The following SLC28A2 variants were observed in gnomAD, a reference collection of about 807,000 sequenced individuals.
The protein encoded by SLC28A2 is sodium/nucleoside cotransporter 2.
SLC28A2 carries 69 observed loss-of-function variants against 72.9 expected under a neutral mutation model. The ratio of observed to expected loss-of-function variants is 0.95; its 90% CI spans 0.78 to 1.16. The LOEUF is 1.16. Ranked by LOEUF, SLC28A2 falls within the 50% of genes most tolerant of loss-of-function variation. SLC28A2 has a pLI of 0.00. For synonymous variants in SLC28A2, 296 were observed against 294.1 expected, an observed-to-expected ratio of 1.01 and a Z score of -0.07; for missense variants, 745 against 791.1, an observed-to-expected ratio of 0.94 and a Z score of 0.70.
chr15:45,253,827 G>T, intron 3 of SLC28A2: 1 of 189,816 alleles, frequency 5.3e-6, no homozygotes, highest in Non-Finnish European at 1.1e-5. Flanking sequence ...CATTACAACA[G>T]GTAGGTATTC....
intron 10 of SLC28A2, 30 bp from the exon 11 acceptor site, chr15:45,267,425 G>A: frequency 6.2e-7 from 1 of 1,613,556 alleles, no homozygotes; most frequent in Non-Finnish European, 8.5e-7. Flanking sequence ...ACACCTTCTT[G>A]GAATCTGACT....
intron 15 of SLC28A2, among the ~76,000 whole-genome samples, chr15:45,271,354 G>T (rs984424825): frequency 6.6e-6 from 1 of 152,154 alleles, no homozygotes; most frequent in Non-Finnish European, 1.5e-5. Context: ...CTTGCTATAG[G>T]AGTTTGAGAG....
intron 3 of SLC28A2, among the ~76,000 whole-genome samples, chr15:45,257,613 T>G (rs1261940989): frequency 6.6e-6 from 1 of 152,218 alleles, no homozygotes; most frequent in Non-Finnish European, 1.5e-5. Flanking sequence ...TTTTAAGTAT[T>G]TATTTCTTTT....
chr15:45,272,333 G>T lies in SLC28A2; in HGVS notation c.1687G>T (p.Val563Phe). Residue 563 changes from valine (V) to phenylalanine (F), a missense_variant, in exon 16 of 18, where the codon GTT becomes TTT. By Grantham distance (50) the Val-to-Phe change is conservative. Coordinates refer to ENST00000347644, the MANE Select transcript of SLC28A2 (RefSeq NM_004212.4). ...TCACCGGAAGAGTGACTTGTCCAAGGTTGTGGTCAGGGCCCTCTTCACAGG... is the reference window on the plus strand; with the variant it reads ...TCACCGGAAGAGTGACTTGTCCAAGTTTGTGGTCAGGGCCCTCTTCACAGG... ...VPHRKSDLSKVVVRALFTGAC... is the reference protein window; with the variant it reads ...VPHRKSDLSKFVVRALFTGAC... 1.2e-6 allele frequency: 2 copies of T among 1,613,982 alleles called. No individual in the cohort carries two copies. The highest frequency in any genetic ancestry group is 1.7e-6 in the Non-Finnish European group (2 of 1,180,020).
intron 6 of SLC28A2, 33 bp from the exon 7 acceptor site, chr15:45,264,622 C>T: frequency 7.1e-7 from 1 of 1,406,432 alleles, no homozygotes; most frequent in Non-Finnish European, 1.0e-6. Context: ...ACTAGCAGAA[C>T]TCACATTGAA....
At chr15:45,271,574 A>AAAG (rs1900570035) in intron 15 of SLC28A2, among the ~76,000 whole-genome samples, 2 of 139,060 alleles carry the variant, frequency 1.4e-5, no homozygotes, top group African/African-American at 2.6e-5. Flanking sequence ...GAAAAAAAGA[A>AAAG]GAAAAGGAAG....
intron 7 of SLC28A2, 55 bp from the exon 8 acceptor site, chr15:45,265,034 T>C: frequency 8.1e-6 from 11 of 1,364,834 alleles, no homozygotes; most frequent in South Asian, 5.8e-5. Context: ...CGTCTTCCTG[T>C]GTGTCCTTTT....
intron 8 of SLC28A2, 101 bp from the exon 9 acceptor site, chr15:45,265,482 C>T (rs901110724): frequency 3.6e-6 from 3 of 836,022 alleles, no homozygotes; most frequent in East Asian, 2.4e-5. Context: ...AATACCTACA[C>T]TGTATGAGAT....
Position 45,269,537 on chromosome 15 carries a change from T to C in SLC28A2, c.1566+2T>C. The C allele has an allele frequency of 1.2e-6, 2 of 1,611,834 alleles. No individual in the cohort carries two copies. The highest frequency in any genetic ancestry group is 1.7e-6 in the Non-Finnish European group (2 of 1,177,906). On this transcript the variant is annotated splice_donor_variant, in intron 14 of 17. Coordinates refer to ENST00000347644, the MANE Select transcript of SLC28A2 (RefSeq NM_004212.4). LOFTEE classifies it high-confidence loss of function. ...GAGGGAGAGAAACAGTGGATTTCTG[T>C]AAGTGACAATCCAAAAAGCATAAAC... is the stretch of plus-strand genomic sequence containing the variant.
chr15:45,269,435 T>G lies in SLC28A2; in HGVS notation c.1466T>G (p.Phe489Cys), dbSNP rs753462120. The change falls in exon 14 of 18, where the codon TTC (phenylalanine) becomes TGC (cysteine). Residue 489 changes from phenylalanine to cysteine, a missense_variant. By Grantham distance (205) the Phe-to-Cys change is radical. Transcript: ENST00000347644. ...GCTGAGATGGTGGGAATCAAGTTCT[T>G]CATAAATGAGTTTGTGGCTTATCAG... Reference protein sequence around the residue: ...MVAEMVGIKFFINEFVAYQQL... With the variant: ...MVAEMVGIKFCINEFVAYQQL... 23 of 1,614,114 alleles carry G rather than the reference T, an allele frequency of 1.4e-5. No individual in the cohort carries two copies. Among genetic ancestry groups the G allele is most frequent in the Non-Finnish European group, 1.9e-5 (22 of 1,179,954 alleles).
rs1024789913 is a variant in SLC28A2, at chr15:45,256,705, G to A, written c.170+3185G>A. 2.6e-5 allele frequency among the ~76,000 whole-genome samples: 4 copies of A among 151,982 alleles called. No individual in the cohort carries two copies. In the East Asian group the frequency reaches 5.8e-4, roughly 22 times the overall value. ...ATTATAGGCGTGAACCACTGTGGCC[G>A]GCCTACTTTTCTTTATCAACTAAAG... is the stretch of plus-strand genomic sequence containing the variant. On this transcript the variant is annotated intron_variant, in intron 3 of 17. Transcript: ENST00000347644.
In SLC28A2 at chr15:45,275,882, C is replaced by A. The variant is rs1900740682; in HGVS notation, c.*369C>A. 6.6e-6 allele frequency: 1 copy of A among 151,950 alleles called. No homozygotes were observed. Among genetic ancestry groups the A allele is most frequent in the Non-Finnish European group, 1.4e-5 (1 of 70,986 alleles). 9.4% of individuals were successfully genotyped at this position (151,950 alleles called of 1,614,324 possible). A position where few individuals can be genotyped will look rare whatever the true frequency, so the allele number is the denominator to read the frequency against. On this transcript the variant is annotated 3_prime_UTR_variant, in exon 18 of 18. Coordinates refer to ENST00000347644, the MANE Select transcript of SLC28A2 (RefSeq NM_004212.4). ...TCCGGGAGGCGGAGCTTGCAGCGAGCCAAGATCGCGCCACTGCACTCCAGC... is the reference window on the plus strand; with the variant it reads ...TCCGGGAGGCGGAGCTTGCAGCGAGACAAGATCGCGCCACTGCACTCCAGC...
chr15:45,253,399 C>T, intron 2 of SLC28A2, 33 bp from the exon 3 acceptor site: 1 of 1,588,708 alleles, frequency 6.3e-7, no homozygotes, highest in Non-Finnish European at 8.6e-7. Context: ...GGCAGGGCTC[C>T]ATGACTGATC....
intron 13 of SLC28A2, among the ~76,000 whole-genome samples, chr15:45,268,979 G>A (rs1019120196): frequency 7.4e-6 from 1 of 135,522 alleles, no homozygotes; most frequent in African/African-American, 2.8e-5. Flanking sequence ...GGAACACATG[G>A]ACACAGGAAA....
chr15:45,259,699 T>C (rs1952128250), intron 3 of SLC28A2, among the ~76,000 whole-genome samples: 1 of 152,198 alleles, frequency 6.6e-6, no homozygotes, highest in Admixed American at 6.5e-5. Flanking sequence ...ATGTGCTAGG[T>C]ACTAATTTAG....
intron 8 of SLC28A2, 148 bp from the exon 9 acceptor site, chr15:45,265,435 T>C (rs1595677246): frequency 1.5e-6 from 1 of 675,138 alleles, no homozygotes; most frequent in East Asian, 2.7e-5. Flanking sequence ...TTTAATACAT[T>C]TTAAATGTAT....
At chr15:45,270,401 T>G in intron 15 of SLC28A2, 125 bp downstream of exon 15, 1 of 709,210 alleles carries the variant, frequency 1.4e-6, no homozygotes. Context: ...ATGGGCCCAT[T>G]TCTTAGGCTG....
chr15:45,253,320 C>G (rs1899863830), intron 2 of SLC28A2, 24 bp downstream of exon 2: 1 of 1,592,648 alleles, frequency 6.3e-7, no homozygotes, highest in South Asian at 1.1e-5. Flanking sequence ...TAGTTTCTCT[C>G]TGCAGAGCTG....
chr15:45,275,619 CAGTA>C lies in SLC28A2; in HGVS notation c.*112_*115del. On this transcript the variant is annotated 3_prime_UTR_variant, in exon 18 of 18. Transcript: ENST00000347644. Reference sequence around the variant, plus strand: ...ACAACTCACTCACCAAGATGTTTAACAGTAAGTAACAGTAAATGTAAAAGATTCA... The same window carrying C: ...ACAACTCACTCACCAAGATGTTTAACAGTAACAGTAAATGTAAAAGATTCA... The C allele has an allele frequency of 1.4e-6, 1 of 701,300 alleles. No individual in the cohort carries two copies. The highest frequency in any genetic ancestry group is 2.5e-6 in the Non-Finnish European group (1 of 395,554). The allele number at this position is 701,300 out of a possible 1,614,324, so 43.4% of individuals were successfully genotyped here. A position where few individuals can be genotyped will look rare whatever the true frequency, so the allele number is the denominator to read the frequency against.
Sources: allele counts gnomAD v4.1 joint callset (sites outside exome capture counted in the v4.1 genomes callset), GRCh38; gene constraint gnomAD v4.1.1; transcripts MANE v1.5; gene names NCBI Gene and HGNC (gene_info 2026-07-23, HGNC 2026-07-21).